AOX1: variants seen among roughly 807,000 people sequenced by gnomAD.
The protein encoded by AOX1 is aldehyde oxidase 1.
AOX1 carries 153 observed loss-of-function variants against 169.5 expected under a neutral mutation model. That is an observed-to-expected ratio of 0.90 (90% CI 0.79 to 1.03). The LOEUF is 1.03. Ranked by LOEUF, AOX1 falls within the 50% of genes least tolerant of loss-of-function variation. The pLI is 0.00. For missense variants in AOX1, 1,656 were observed against 1,663.9 expected, an observed-to-expected ratio of 1.00 and a Z score of 0.08; for synonymous variants, 562 against 581.9, an observed-to-expected ratio of 0.97 and a Z score of 0.49.
At chr2:200,624,087 C>A in intron 19 of AOX1, 104 bp downstream of exon 19, 3 of 1,401,266 alleles carry the variant, frequency 2.1e-6, no homozygotes, top group Non-Finnish European at 3.0e-6. Context: ...AAAGTGGCCT[C>A]CAAAGCACAC....
chr2:200,635,339 CAAGAG>C (rs2035208698), intron 21 of AOX1, among the ~76,000 whole-genome samples: 1 of 152,122 alleles, frequency 6.6e-6, no homozygotes, highest in Non-Finnish European at 1.5e-5. Flanking sequence ...GTTAGGAACA[CAAGAG>C]AAGAAAGAGG....
chr2:200,587,711 T>A (rs1031049114), intron 1 of AOX1, among the ~76,000 whole-genome samples: 1 of 152,190 alleles, frequency 6.6e-6, no homozygotes, highest in Admixed American at 6.5e-5. Flanking sequence ...TGGGGTGAGA[T>A]GATTGACATT....
intron 16 of AOX1, among the ~76,000 whole-genome samples, chr2:200,618,666 GT>G (rs975608279): frequency 2.0e-5 from 3 of 152,034 alleles, no homozygotes; most frequent in Non-Finnish European, 4.4e-5. Context: ...GAGGTTTTTT[GT>G]TTTTTTGAGG....
rs560526888 is a variant in AOX1, at chr2:200,595,991, A to T, written c.200+623A>T. On this transcript the variant is annotated intron_variant, in intron 3 of 34. Coordinates refer to ENST00000374700, the MANE Select transcript of AOX1 (RefSeq NM_001159.4). Reference sequence around the variant, plus strand: ...TATTTATCCTTCCTCACATTTGCCAAGTTTCTTGGATCTGTGTGTTGATGT... The same window carrying T: ...TATTTATCCTTCCTCACATTTGCCATGTTTCTTGGATCTGTGTGTTGATGT... Among the ~76,000 whole-genome samples, 4 of 152,300 alleles carry T rather than the reference A, an allele frequency of 2.6e-5. No homozygotes were observed. The South Asian group carries it at 8.3e-4, about 32-fold the overall frequency.
rs1258821334 is a variant in AOX1, at chr2:200,620,665, C to T, written c.1720C>T (p.Gln574Ter). The change falls in exon 17 of 35, where the codon CAG (glutamine) becomes TAG (stop). Residue 574 changes from glutamine to a stop codon, truncating the protein, a stop_gained. Transcript: ENST00000374700. LOFTEE classifies it high-confidence loss of function. ...TATTAAACAGAATATAGGCCCAAAGCAGCATCCTGAAGACCCAATTGGCCA... is the reference window on the plus strand; with the variant it reads ...TATTAAACAGAATATAGGCCCAAAGTAGCATCCTGAAGACCCAATTGGCCA... ...TLKYQNIGPK[Q>*]HPEDPIGHPI... The T allele has an allele frequency of 2.6e-6, 4 of 1,546,566 alleles. No individual in the cohort carries two copies. In the African/African-American group the frequency reaches 4.2e-5, roughly 16 times the overall value.
chr2:200,598,227 AT>A lies in AOX1; in HGVS notation c.309+731del, dbSNP rs906996921. Among the ~76,000 whole-genome samples the A allele has an allele frequency of 1.6e-4, 24 of 151,512 alleles. No individual in the cohort carries two copies. In the East Asian group the frequency reaches 4.3e-3, roughly 27 times the overall value. On this transcript the variant is annotated intron_variant, in intron 4 of 34. Transcript: ENST00000374700. ...CATGTGCATTGAGGGATATAATTTT[AT>A]TTTTTTTTATAAAGTGGAAAACAAC...
chr2:200,604,434 A>G (rs898388309), intron 8 of AOX1, among the ~76,000 whole-genome samples: 4 of 152,210 alleles, frequency 2.6e-5, no homozygotes, highest in Admixed American at 6.5e-5. Context: ...GCATGTTACT[A>G]TATTTGCTAA....
downstream of AOX1, among the ~76,000 whole-genome samples, chr2:200,679,022 A>G (rs1334589858): frequency 6.6e-6 from 1 of 152,228 alleles, no homozygotes; most frequent in African/African-American, 2.4e-5. Flanking sequence ...GGGCATAGGA[A>G]CAACTAGAAA....
At chr2:200,601,504 G>C (rs2034412558) in intron 5 of AOX1, among the ~76,000 whole-genome samples, 1 of 152,124 alleles carries the variant, frequency 6.6e-6, no homozygotes, top group Non-Finnish European at 1.5e-5. Context: ...GGAAGTTAGA[G>C]GTAATAGATA....
intron 32 of AOX1, among the ~76,000 whole-genome samples, chr2:200,667,097 G>A (rs1192187482): frequency 6.6e-6 from 1 of 152,204 alleles, no homozygotes; most frequent in Non-Finnish European, 1.5e-5. Flanking sequence ...CAGCTTCGAG[G>A]AGTTTGAAGT....
intron 20 of AOX1, 45 bp downstream of exon 20, chr2:200,627,494 CATG>C (rs761884070): frequency 7.2e-7 from 1 of 1,397,590 alleles, no homozygotes; most frequent in Non-Finnish European, 1.0e-6. Context: ...GTCTTCTAAG[CATG>C]TCAGTTTAAG....
At chr2:200,665,320 G>A (rs904459219) in intron 31 of AOX1, among the ~76,000 whole-genome samples, 2 of 152,214 alleles carry the variant, frequency 1.3e-5, no homozygotes, top group Admixed American at 6.5e-5. Flanking sequence ...TGAATACCAG[G>A]AGGTGAGGAT....
Position 200,604,853 on chromosome 2 carries a change from C to T in AOX1, c.814+13C>T. ...AACACCTCTGTGGGTATGTAGAACC[C>T]CAGGGATTTTTTATAGGGAAATTGA... On this transcript the variant is annotated intron_variant, in intron 9 of 34. Coordinates refer to ENST00000374700, the MANE Select transcript of AOX1 (RefSeq NM_001159.4). 1.9e-6 allele frequency: 3 copies of T among 1,612,506 alleles called. No homozygotes were observed. The highest frequency in any genetic ancestry group is 2.5e-6 in the Non-Finnish European group (3 of 1,179,180).
chr2:200,630,696 A>T (rs1161298037), intron 20 of AOX1, among the ~76,000 whole-genome samples: 1 of 152,224 alleles, frequency 6.6e-6, no homozygotes, highest in Non-Finnish European at 1.5e-5. Flanking sequence ...GTTTGAGTCT[A>T]GCTTTTCCCT....
intron 25 of AOX1, among the ~76,000 whole-genome samples, chr2:200,645,681 C>T (rs913730344): frequency 1.3e-5 from 2 of 152,140 alleles, no homozygotes; most frequent in Non-Finnish European, 2.9e-5. Context: ...TGGAATTCTG[C>T]TGTGAATCCT....
At position 200,638,289 on chromosome 2, in the gene AOX1, T is replaced by A; in HGVS notation, c.2555T>A (p.Leu852His). The A allele has an allele frequency of 6.2e-7, 1 of 1,613,510 alleles. No individual in the cohort carries two copies. The highest frequency in any genetic ancestry group is 8.5e-7 in the Non-Finnish European group (1 of 1,179,540). The change falls in exon 23 of 35, where the codon CTT becomes CAT. Residue 852 changes from leucine to histidine, a missense_variant. Transcript: ENST00000374700. ...MLITGGRHPY[L>H]GKYKAGFMND... ...ATAACTGGAGGCCGCCATCCTTACC[T>A]TGGAAAGTACAAAGTGAGTACAAGA...
intron 20 of AOX1, among the ~76,000 whole-genome samples, chr2:200,634,056 T>G (rs1302892887): frequency 6.6e-6 from 1 of 152,130 alleles, no homozygotes; most frequent in Non-Finnish European, 1.5e-5. Flanking sequence ...CTGCAGTTTT[T>G]TTCATGGTGT....
intron 1 of AOX1, among the ~76,000 whole-genome samples, chr2:200,589,441 G>T (rs1251469063): frequency 6.6e-6 from 1 of 152,212 alleles, no homozygotes; most frequent in Non-Finnish European, 1.5e-5. Flanking sequence ...CTTAGAACTA[G>T]TCAGGGATGG....
At chr2:200,672,382 A>G (rs902658605), downstream of AOX1, among the ~76,000 whole-genome samples, 1 of 152,262 alleles carries the variant, frequency 6.6e-6, no homozygotes, top group African/African-American at 2.4e-5. Context: ...GTCCCAATCA[A>G]TGGCTTTCCA....
Sources: gnomAD v4.1 joint callset for allele counts (sites outside exome capture counted in the v4.1 genomes callset) on GRCh38, gnomAD v4.1.1 for gene constraint, MANE v1.5 for transcripts, NCBI Gene and HGNC (gene_info 2026-07-23, HGNC 2026-07-21) for gene names.